ELMO1: variants seen among roughly 807,000 people sequenced by gnomAD.
The protein encoded by ELMO1 is engulfment and cell motility 1, also known as engulfment and cell motility protein 1.
Under a neutral mutation model 98.9 loss-of-function variants are expected in ELMO1, and 26 were observed. The observed-to-expected ratio is 0.26, with a 90% CI of 0.19 to 0.36. ELMO1 has a LOEUF of 0.36. Among genes scored for constraint, ELMO1 ranks in the 10% least tolerant of loss-of-function variants. The pLI is 1.00. For synonymous variants in ELMO1, 346 were observed against 346.0 expected (o/e 1.00, Z 0.00); for missense variants, 627 against 935.2 (o/e 0.67, Z 4.30).
chr7:37,128,823 G>A (rs966485228), intron 14 of ELMO1, among the ~76,000 whole-genome samples: 4 of 152,052 alleles, frequency 2.6e-5, no homozygotes, highest in Non-Finnish European at 4.4e-5. Flanking sequence ...CTGTGCCAGG[G>A]GCTAGAATAT....
At chr7:37,244,262 G>T in intron 7 of ELMO1, 94 bp downstream of exon 7, 1 of 1,236,124 alleles carries the variant, frequency 8.1e-7, no homozygotes, top group Non-Finnish European at 1.1e-6. Flanking sequence ...AATACTAGAT[G>T]CATAGTTATA....
intron 16 of ELMO1, among the ~76,000 whole-genome samples, chr7:36,933,327 C>T (rs756901153): frequency 2.0e-5 from 3 of 152,294 alleles, no homozygotes; most frequent in Middle Eastern, 3.4e-3. Flanking sequence ...GTGCCCCAGA[C>T]AGGAAGAACT....
In ELMO1 at chr7:37,404,308, G is replaced by C. The variant is rs1024624623; in HGVS notation, c.-74+44367C>G. On this transcript the variant is annotated intron_variant, in intron 1 of 21. Transcript: ENST00000310758. ...CTTCCACCTTCACTCCGTGTGGCAG[G>C]CCTCTCCCATGCACACTGCATGCTG... Among the ~76,000 whole-genome samples the C allele has an allele frequency of 2.6e-5, 4 of 151,712 alleles. No individual in the cohort carries two copies. The South Asian group carries it at 6.3e-4, about 24-fold the overall frequency.
chr7:36,924,648 T>A (rs940011654), intron 16 of ELMO1, among the ~76,000 whole-genome samples: 1 of 152,188 alleles, frequency 6.6e-6, no homozygotes, highest in African/African-American at 2.4e-5. Flanking sequence ...AAATATTTCA[T>A]GACAAGTACA....
At chr7:37,340,771 A>C (rs1189309136) in intron 2 of ELMO1, among the ~76,000 whole-genome samples, 2 of 152,206 alleles carry the variant, frequency 1.3e-5, no homozygotes, top group African/African-American at 4.8e-5. Flanking sequence ...ACACATAGCA[A>C]AGGCCATCTC....
chr7:36,906,292 C>A (rs1289364290), intron 16 of ELMO1, among the ~76,000 whole-genome samples: 1 of 151,972 alleles, frequency 6.6e-6, no homozygotes, highest in Non-Finnish European at 1.5e-5. Context: ...GTGATATATA[C>A]AAGAAAATAT....
intron 6 of ELMO1, among the ~76,000 whole-genome samples, chr7:37,247,697 G>A (rs1237294270): frequency 6.6e-6 from 1 of 152,138 alleles, no homozygotes; most frequent in Non-Finnish European, 1.5e-5. Context: ...AGCGAGTGAA[G>A]AACAATTCCA....
At chr7:37,286,821 C>T (rs1245766760) in intron 4 of ELMO1, among the ~76,000 whole-genome samples, 1 of 152,126 alleles carries the variant, frequency 6.6e-6, no homozygotes, top group Non-Finnish European at 1.5e-5. Flanking sequence ...TATGGATCTT[C>T]TTTTCAGAAT....
intron 4 of ELMO1, among the ~76,000 whole-genome samples, chr7:37,279,160 C>T (rs1378480700): frequency 6.6e-6 from 1 of 152,124 alleles, no homozygotes; most frequent in African/African-American, 2.4e-5. Flanking sequence ...CGAGATCACG[C>T]CACTGCACTC....
intron 4 of ELMO1, among the ~76,000 whole-genome samples, chr7:37,287,781 G>A (rs1383168981): frequency 1.3e-5 from 2 of 152,064 alleles, no homozygotes; most frequent in African/African-American, 2.4e-5. Flanking sequence ...AGTCAACATC[G>A]ACAATTTCTC....
At chr7:37,147,813 A>T (rs1788085876) in intron 13 of ELMO1, among the ~76,000 whole-genome samples, 1 of 149,896 alleles carries the variant, frequency 6.7e-6, no homozygotes, top group Non-Finnish European at 1.5e-5. Context: ...CAGAGGAGAG[A>T]GGCATGTCAG....
At chr7:37,344,821 T>G (rs1800916033) in intron 1 of ELMO1, among the ~76,000 whole-genome samples, 2 of 152,368 alleles carry the variant, frequency 1.3e-5, no homozygotes, top group South Asian at 4.1e-4. Context: ...CGCTCCCTTT[T>G]TGTGAACAGT....
chr7:37,230,271 GA>G (rs1794096691), intron 8 of ELMO1, among the ~76,000 whole-genome samples: 1 of 152,150 alleles, frequency 6.6e-6, no homozygotes, highest in Admixed American at 6.5e-5. Context: ...AAAATTCACC[GA>G]AATGTGACAA....
At chr7:37,252,603 C>T (rs1354958926) in intron 6 of ELMO1, among the ~76,000 whole-genome samples, 4 of 152,052 alleles carry the variant, frequency 2.6e-5, no homozygotes, top group South Asian at 2.1e-4. Flanking sequence ...AAGACTTAAA[C>T]GTAAGACCTA....
chr7:37,416,121 T>C (rs1041598108), intron 1 of ELMO1, among the ~76,000 whole-genome samples: 3 of 152,214 alleles, frequency 2.0e-5, no homozygotes, highest in Non-Finnish European at 1.5e-5. Flanking sequence ...GATAACTCCT[T>C]TATTGGGCTT....
chr7:37,306,041 G>A (rs1438326467), intron 4 of ELMO1, among the ~76,000 whole-genome samples: 1 of 152,220 alleles, frequency 6.6e-6, no homozygotes, highest in Non-Finnish European at 1.5e-5. Flanking sequence ...CAAGAAGCCA[G>A]GGTTTCTTCC....
At chr7:37,101,633 A>C (rs1195808177) in intron 14 of ELMO1, among the ~76,000 whole-genome samples, 1 of 152,292 alleles carries the variant, frequency 6.6e-6, no homozygotes, top group Non-Finnish European at 1.5e-5. Flanking sequence ...AGGGGCTCTT[A>C]GGTACCTTCC....
intron 16 of ELMO1, among the ~76,000 whole-genome samples, chr7:36,959,741 C>T (rs925744543): frequency 2.6e-5 from 4 of 152,172 alleles, no homozygotes; most frequent in African/African-American, 4.8e-5. Context: ...AGTGCAGTGG[C>T]GTGATCTCGG....
intron 14 of ELMO1, among the ~76,000 whole-genome samples, chr7:37,106,568 A>C (rs1002173420): frequency 2.0e-4 from 30 of 152,164 alleles, no homozygotes; most frequent in African/African-American, 7.2e-4. Context: ...TAACTTACCC[A>C]GTCTAGGGTA....
Sources: gnomAD v4.1 joint callset for allele counts (sites outside exome capture counted in the v4.1 genomes callset) on GRCh38, gnomAD v4.1.1 for gene constraint, MANE v1.5 for transcripts, NCBI Gene and HGNC (gene_info 2026-07-23, HGNC 2026-07-21) for gene names.